Variants in GDAP2 observed in about 807,000 individuals in gnomAD.
GDAP2 encodes the protein ganglioside-induced differentiation-associated protein 2.
GDAP2 carries 51 observed loss-of-function variants against 67.0 expected under a neutral mutation model. The observed-to-expected ratio is 0.76, with a 90% confidence interval of 0.61 to 0.96. The LOEUF is 0.96. GDAP2 is among the 40% of genes least tolerant of loss of function. GDAP2 has a pLI of 0.00. For synonymous variants in GDAP2, 203 were observed against 207.3 expected (o/e 0.98, Z 0.18); for missense variants, 547 against 588.3 (o/e 0.93, Z 0.73).
chr1:117,890,415 A>C (rs761651966), intron 8 of GDAP2, among the ~76,000 whole-genome samples: 2 of 151,498 alleles, frequency 1.3e-5, no homozygotes, highest in Non-Finnish European at 2.9e-5. Flanking sequence ...CAATCTCTAT[A>C]TCTATATCTA....
Position 117,920,260 on chromosome 1 carries a change from G to A in GDAP2, c.98C>T (p.Thr33Ile), listed in dbSNP as rs764206900. 1 of 1,605,202 alleles carries A rather than the reference G, an allele frequency of 6.2e-7. No individual in the cohort carries two copies. The highest frequency in any genetic ancestry group is 1.1e-5 in the South Asian group (1 of 90,748). ...AGTGTCTTCCTGAAATATTTCAGCTGTAGTATCAGAGGAATTTAATTCATC... is the reference window on the plus strand; with the variant it reads ...AGTGTCTTCCTGAAATATTTCAGCTATAGTATCAGAGGAATTTAATTCATC... ...CQDELNSSDT[T>I]AEIFQEDTVR... Residue 33 changes from threonine to isoleucine, a missense_variant, in exon 2 of 14, where the codon ACA (threonine) becomes ATA (isoleucine). Physicochemically the swap from Thr to Ile is moderately conservative, Grantham distance 89 (BLOSUM62 -1). Transcript: ENST00000369443.
chr1:117,909,010 A>G (rs1557806097), intron 5 of GDAP2, among the ~76,000 whole-genome samples: 1 of 152,186 alleles, frequency 6.6e-6, no homozygotes, highest in Non-Finnish European at 1.5e-5. Flanking sequence ...CATTTAGAAA[A>G]TTAACTCTGC....
intron 13 of GDAP2, among the ~76,000 whole-genome samples, chr1:117,875,872 T>C (rs545114939): frequency 6.6e-6 from 1 of 152,324 alleles, no homozygotes; most frequent in East Asian, 1.9e-4. Context: ...ACAACCATTA[T>C]ATCTTGGAAG....
At chr1:117,883,727 C>T (rs534157661) in intron 10 of GDAP2, 100 bp from the exon 11 acceptor site, 2 of 730,336 alleles carry the variant, frequency 2.7e-6, no homozygotes, top group East Asian at 5.5e-5. Flanking sequence ...AGAAAATTAA[C>T]CTACTCTATG....
chr1:117,876,581 C>T (rs181287438), intron 13 of GDAP2, among the ~76,000 whole-genome samples: 74 of 152,226 alleles, frequency 4.9e-4, no homozygotes, highest in African/African-American at 1.7e-3. Flanking sequence ...AGAGATGATC[C>T]AATGAGCCAA....
At chr1:117,926,613 C>A (rs1251561651) in intron 1 of GDAP2, among the ~76,000 whole-genome samples, 3 of 152,114 alleles carry the variant, frequency 2.0e-5, no homozygotes, top group African/African-American at 4.8e-5. Flanking sequence ...CACATATACA[C>A]CTTAGTAATA....
intron 3 of GDAP2, among the ~76,000 whole-genome samples, chr1:117,914,783 A>C (rs1649992804): frequency 6.6e-6 from 1 of 152,210 alleles, no homozygotes; most frequent in East Asian, 1.9e-4. Flanking sequence ...AAATTTCTAG[A>C]AAATGATTTC....
Position 117,886,232 on chromosome 1 carries a change from TACTC to T in GDAP2, c.1107+341_1107+344del, listed in dbSNP as rs537240766. 9.8e-5 allele frequency among the ~76,000 whole-genome samples: 15 copies of T among 152,300 alleles called. No homozygotes were observed. In the South Asian group the frequency reaches 1.4e-3, roughly 15 times the overall value. On this transcript the variant is annotated intron_variant, in intron 10 of 13. Transcript: ENST00000369443. ...TTCTGTTTTTTTCTCTTCTAATAGATACTCAAACATTAATTTTTCTTTTTTCAAA... is the reference window on the plus strand; with the variant it reads ...TTCTGTTTTTTTCTCTTCTAATAGATAAACATTAATTTTTCTTTTTTCAAA...
At chr1:117,873,604 C>G (rs1267743043) in intron 13 of GDAP2, among the ~76,000 whole-genome samples, 1 of 152,118 alleles carries the variant, frequency 6.6e-6, no homozygotes, top group East Asian at 1.9e-4. Context: ...CAGCTACCTA[C>G]TGGTATCTCC....
chr1:117,878,910 TATG>T (rs887977840), intron 12 of GDAP2, among the ~76,000 whole-genome samples: 6 of 152,214 alleles, frequency 3.9e-5, no homozygotes, highest in African/African-American at 1.4e-4. Context: ...ATGAGGCAGG[TATG>T]ATATTGTTGC....
chr1:117,899,158 C>T lies in GDAP2; in HGVS notation c.695G>A (p.Arg232Gln), dbSNP rs1253372023. ...ATCTGCAGGTAGGTAGGGCAATGAT[C>T]GATTCTCCTCTTTTAATGACCTTGG... Reference protein sequence around the residue: ...YFPRSLKEENRSLPYLPADIG... With the variant: ...YFPRSLKEENQSLPYLPADIG... Residue 232 changes from arginine to glutamine, a missense_variant, in exon 7 of 14, where the codon CGA becomes CAA. Arg to Gln is a conservative substitution (Grantham distance 43). Coordinates refer to ENST00000369443, the MANE Select transcript of GDAP2 (RefSeq NM_017686.4). 14 of 1,610,422 alleles carry T rather than the reference C, an allele frequency of 8.7e-6. No individual in the cohort carries two copies. The highest frequency in any genetic ancestry group is 1.7e-5 in the Admixed American group (1 of 59,982).
At position 117,912,603 on chromosome 1, in the gene GDAP2, A is replaced by G; in HGVS notation, c.397T>C (p.Tyr133His). 6.2e-7 allele frequency: 1 copy of G among 1,613,572 alleles called. No individual in the cohort carries two copies. The highest frequency in any genetic ancestry group is 8.5e-7 in the Non-Finnish European group (1 of 1,179,540). Residue 133 changes from tyrosine to histidine, a missense_variant, in exon 4 of 14, where the codon TAT becomes CAT. Physicochemically the swap from Tyr to His is moderately conservative, Grantham distance 83. Transcript: ENST00000369443. ...GCTGCTGTGCGATAGCGGCTTTTAT[A>G]TTTAGGTCCCACTGTGTGAATGATG... Reference protein sequence around the residue: ...RFIIHTVGPKYKSRYRTAAES... With the variant: ...RFIIHTVGPKHKSRYRTAAES...
chr1:117,910,109 CAT>C (rs1282080184), intron 5 of GDAP2, among the ~76,000 whole-genome samples: 2 of 152,136 alleles, frequency 1.3e-5, no homozygotes, highest in East Asian at 1.9e-4. Context: ...CATGTAATAA[CAT>C]AGTAGTCTTC....
chr1:117,898,626 A>G (rs1649341578), intron 7 of GDAP2, among the ~76,000 whole-genome samples: 1 of 152,184 alleles, frequency 6.6e-6, no homozygotes, highest in African/African-American at 2.4e-5. Context: ...CGTTCTACCT[A>G]CTGCTCCAAC....
At chr1:117,911,949 A>C in intron 5 of GDAP2, 45 bp downstream of exon 5, 1 of 1,168,770 alleles carries the variant, frequency 8.6e-7, no homozygotes, top group Non-Finnish European at 1.3e-6. Context: ...AATTTAAAAA[A>C]TTTTTAAGAT....
intron 3 of GDAP2, among the ~76,000 whole-genome samples, chr1:117,915,365 T>C (rs533140151): frequency 6.6e-6 from 1 of 152,300 alleles, no homozygotes; most frequent in East Asian, 1.9e-4. Context: ...CTGTGCTGGA[T>C]TACAAAATAC....
chr1:117,892,017 G>A (rs1649104710), intron 8 of GDAP2, among the ~76,000 whole-genome samples: 1 of 152,088 alleles, frequency 6.6e-6, no homozygotes, highest in Non-Finnish European at 1.5e-5. Flanking sequence ...TTTGTGGGGA[G>A]AAGTTTATAG....
At chr1:117,917,930 CT>C (rs1650106386) in intron 3 of GDAP2, among the ~76,000 whole-genome samples, 3 of 152,068 alleles carry the variant, frequency 2.0e-5, no homozygotes, top group Admixed American at 6.6e-5. Context: ...CCACTCTGTC[CT>C]TACAGTCAAA....
intron 12 of GDAP2, among the ~76,000 whole-genome samples, 189 bp from the exon 13 acceptor site, chr1:117,878,341 C>T (rs922411252): frequency 3.9e-5 from 6 of 152,082 alleles, no homozygotes; most frequent in African/African-American, 9.7e-5. Flanking sequence ...AAAGAAGAAA[C>T]GAGGATAACA....
Sources: allele counts gnomAD v4.1 joint callset (sites outside exome capture counted in the v4.1 genomes callset), GRCh38; gene constraint gnomAD v4.1.1; transcripts MANE v1.5; gene names NCBI Gene and HGNC (gene_info 2026-07-23, HGNC 2026-07-21).